ERCC6L2: variants seen among roughly 807,000 people sequenced by gnomAD.
ERCC6L2 encodes the protein ERCC excision repair 6 like 2, also known as DNA excision repair protein ERCC-6-like 2.
ERCC6L2 carries 77 observed loss-of-function variants against 132.0 expected under a neutral mutation model. The observed-to-expected ratio is 0.58, with a 90% confidence interval of 0.49 to 0.71. The LOEUF (loss-of-function observed/expected upper bound fraction) is 0.71. Among genes scored for constraint, ERCC6L2 ranks in the 30% least tolerant of loss-of-function variants. The pLI is 0.00. For missense variants in ERCC6L2, 1,542 were observed against 1,837.6 expected (o/e 0.84, Z 2.94); for synonymous variants, 583 against 632.4 (o/e 0.92, Z 1.17).
intron 8 of ERCC6L2, among the ~76,000 whole-genome samples, chr9:95,922,993 T>G (rs1829942004): frequency 1.3e-5 from 2 of 152,202 alleles, no homozygotes; most frequent in South Asian, 4.1e-4. Context: ...CTCTTTACTC[T>G]TTGGGAGTAT....
chr9:95,995,384 T>G (rs1014312463), intron 17 of ERCC6L2, among the ~76,000 whole-genome samples: 69 of 152,364 alleles, frequency 4.5e-4, no homozygotes, highest in African/African-American at 1.5e-3. Flanking sequence ...AAGGAACTTT[T>G]CTGCTGTTAA....
chr9:95,892,064 A>G (rs895065001), intron 2 of ERCC6L2, among the ~76,000 whole-genome samples: 4 of 152,016 alleles, frequency 2.6e-5, no homozygotes, highest in Admixed American at 6.6e-5. Context: ...CTGTTTTTTT[A>G]TTTGGTTGAA....
intron 18 of ERCC6L2, 139 bp from the exon 19 acceptor site, chr9:96,012,086 C>A: frequency 2.2e-6 from 1 of 447,756 alleles, no homozygotes; most frequent in Non-Finnish European, 3.4e-6. Context: ...AATGCGTTTT[C>A]ATTGTGGAAT....
At chr9:95,978,866 A>G (rs1832779901) in intron 17 of ERCC6L2, among the ~76,000 whole-genome samples, 2 of 152,184 alleles carry the variant, frequency 1.3e-5, no homozygotes, top group South Asian at 4.1e-4. Context: ...TGCATACTGT[A>G]TATAATACCA....
intron 4 of ERCC6L2, among the ~76,000 whole-genome samples, chr9:95,915,445 A>G (rs1199587333): frequency 1.3e-5 from 2 of 152,160 alleles, no homozygotes; most frequent in Non-Finnish European, 2.9e-5. Flanking sequence ...TTTTACCATC[A>G]TTAAAGAATG....
chr9:96,000,237 C>T (rs1350226880), intron 17 of ERCC6L2, among the ~76,000 whole-genome samples: 2 of 152,104 alleles, frequency 1.3e-5, no homozygotes, highest in East Asian at 3.8e-4. Context: ...TTTAACATTA[C>T]TGATATAAAG....
At chr9:95,944,367 A>G (rs1830950313) in intron 12 of ERCC6L2, among the ~76,000 whole-genome samples, 1 of 152,198 alleles carries the variant, frequency 6.6e-6, no homozygotes. Context: ...ATTAGGGGAT[A>G]GGGAGGAATG....
At chr9:96,030,529 C>G (rs1690281442) in intron 19 of ERCC6L2, among the ~76,000 whole-genome samples, 1 of 151,826 alleles carries the variant, frequency 6.6e-6, no homozygotes, top group African/African-American at 2.4e-5. Flanking sequence ...AACCCCGTCT[C>G]TACTAAAAAA....
chr9:96,041,004 T>C (rs1233083459), intron 20 of ERCC6L2, among the ~76,000 whole-genome samples: 1 of 152,328 alleles, frequency 6.6e-6, no homozygotes. Context: ...ATCATCTGGA[T>C]GCCGCTGTAA....
chr9:95,875,857 G>C lies in ERCC6L2; in HGVS notation c.-182G>C, dbSNP rs1827221273. 3.2e-6 allele frequency: 2 copies of C among 628,198 alleles called. No homozygotes were observed. The highest frequency in any genetic ancestry group is 3.7e-5 in the African/African-American group (2 of 54,686). 38.9% of individuals were successfully genotyped at this position (628,198 alleles called of 1,614,324 possible). ...CTCCCGTTCTGCTTGGGTCCCCTTA[G>C]TCGCTACCTTTGCTGGGATCCCCCT... On this transcript the variant is annotated 5_prime_UTR_variant, in exon 1 of 19. Coordinates refer to ENST00000653738, the MANE Select transcript of ERCC6L2 (RefSeq NM_020207.7).
chr9:96,030,878 C>CA (rs1330759495), intron 19 of ERCC6L2, among the ~76,000 whole-genome samples: 28 of 152,282 alleles, frequency 1.8e-4, no homozygotes, highest in Admixed American at 3.9e-4. Flanking sequence ...TCTGAGCCTT[C>CA]ATTCCTTCCG....
At chr9:95,929,941 C>G (rs1830266335) in intron 11 of ERCC6L2, among the ~76,000 whole-genome samples, 1 of 152,168 alleles carries the variant, frequency 6.6e-6, no homozygotes, top group East Asian at 1.9e-4. Context: ...CTGAGATCCT[C>G]CATAAAGTTC....
In ERCC6L2 at chr9:96,038,817, G is replaced by A. The variant is rs144730596; in HGVS notation, c.*1504-59G>A. ...ATACCGAATGGGGGCTGGACTTAAC[G>A]ATTTGCTTTTAATGAACAAAATGTA... On this transcript the variant is annotated intron_variant and NMD_transcript_variant, in intron 19 of 20. Transcript: ENST00000670016. 114 of 456,026 alleles carry A rather than the reference G, an allele frequency of 2.5e-4. 1 individual carries two copies. Among genetic ancestry groups the A allele is most frequent in the African/African-American group, 1.8e-3 (89 of 50,192 alleles). 28.2% of individuals were successfully genotyped at this position (456,026 alleles called of 1,614,324 possible).
chr9:96,009,792 C>T (rs557379116), intron 18 of ERCC6L2, among the ~76,000 whole-genome samples: 1 of 152,258 alleles, frequency 6.6e-6, no homozygotes, highest in South Asian at 2.1e-4. Context: ...AAGCAGCAAC[C>T]ATGTGGCATA....
At chr9:95,937,657 T>A (rs1029121188) in intron 11 of ERCC6L2, among the ~76,000 whole-genome samples, 1 of 152,004 alleles carries the variant, frequency 6.6e-6, no homozygotes, top group Non-Finnish European at 1.5e-5. Context: ...CATTTATCCT[T>A]TTAATAGCTG....
chr9:95,939,632 C>T (rs1435701945), intron 11 of ERCC6L2, among the ~76,000 whole-genome samples: 1 of 152,058 alleles, frequency 6.6e-6, no homozygotes, highest in Admixed American at 6.6e-5. Context: ...TTTTCCATTC[C>T]AAAATTTTTA....
chr9:95,935,196 C>G (rs1830502569), intron 11 of ERCC6L2, among the ~76,000 whole-genome samples: 1 of 152,020 alleles, frequency 6.6e-6, no homozygotes, highest in Non-Finnish European at 1.5e-5. Context: ...CAAAAAATCC[C>G]ATAGAAGGAT....
At chr9:96,009,397 C>G (rs1394498412) in intron 18 of ERCC6L2, among the ~76,000 whole-genome samples, 2 of 152,248 alleles carry the variant, frequency 1.3e-5, no homozygotes, top group Non-Finnish European at 2.9e-5. Flanking sequence ...CCTCCCTCTA[C>G]TGCAGTCACA....
intron 17 of ERCC6L2, among the ~76,000 whole-genome samples, chr9:96,004,227 T>C (rs1833786274): frequency 6.6e-6 from 1 of 152,246 alleles, no homozygotes; most frequent in Admixed American, 6.5e-5. Context: ...TTAATTTTTA[T>C]CCTTCTTTGG....
Sources: allele counts gnomAD v4.1 joint callset (sites outside exome capture counted in the v4.1 genomes callset), GRCh38; gene constraint gnomAD v4.1.1; transcripts MANE v1.5; gene names NCBI Gene and HGNC (gene_info 2026-07-23, HGNC 2026-07-21).